Variants in PPP3CA observed in about 807,000 individuals in gnomAD.
PPP3CA encodes protein phosphatase 3 catalytic subunit alpha, also known as CAM-PRP catalytic subunit.
Under a neutral mutation model 66.5 loss-of-function variants are expected in PPP3CA, and 14 were observed. The ratio of observed to expected loss-of-function variants is 0.21; its 90% CI spans 0.14 to 0.33. The LOEUF (loss-of-function observed/expected upper bound fraction) is 0.33, where lower values mean the gene tolerates loss of function less well. Ranked by LOEUF, PPP3CA falls within the 10% of genes least tolerant of loss-of-function variation. PPP3CA has a pLI of 1.00. For missense variants in PPP3CA, 317 were observed against 639.5 expected, an observed-to-expected ratio of 0.50 and a Z score of 5.44; for synonymous variants, 232 against 226.2, an observed-to-expected ratio of 1.03 and a Z score of -0.23.
At chr4:101,202,926 C>T (rs904359903) in intron 1 of PPP3CA, among the ~76,000 whole-genome samples, 3 of 152,128 alleles carry the variant, frequency 2.0e-5, no homozygotes, top group African/African-American at 7.2e-5. Flanking sequence ...CATATGTATT[C>T]AGTTGTTAGA....
At chr4:101,177,884 A>G (rs1458814947) in intron 2 of PPP3CA, among the ~76,000 whole-genome samples, 3 of 152,000 alleles carry the variant, frequency 2.0e-5, no homozygotes, top group Non-Finnish European at 4.4e-5. Context: ...AGAGTACACT[A>G]CTATATACCA....
At chr4:101,303,986 C>A (rs183376488) in intron 1 of PPP3CA, among the ~76,000 whole-genome samples, 1 of 152,122 alleles carries the variant, frequency 6.6e-6, no homozygotes, top group Non-Finnish European at 1.5e-5. Flanking sequence ...CATTAATGTG[C>A]TGACGCCCTG....
In PPP3CA at chr4:101,147,872, T is replaced by C. The variant is rs913568839; in HGVS notation, c.260-38794A>G. ...TTAAAGTTAACTGCATTATTTTTTC[T>C]AGCTGTCACAAGTGTCTAGTTATTA... is the stretch of plus-strand genomic sequence containing the variant. On this transcript the variant is annotated intron_variant, in intron 2 of 13. Coordinates refer to ENST00000394854, the MANE Select transcript of PPP3CA (RefSeq NM_000944.5). Among the ~76,000 whole-genome samples the C allele has an allele frequency of 9.2e-5, 14 of 152,290 alleles. 1 individual carries two copies. The highest frequency in any genetic ancestry group is 4.1e-4 in the South Asian group (2 of 4,830).
intron 9 of PPP3CA, among the ~76,000 whole-genome samples, chr4:101,062,931 G>C (rs147056546): frequency 3.2e-4 from 49 of 151,984 alleles, no homozygotes; most frequent in African/African-American, 1.1e-3. Context: ...GACATTACTT[G>C]AAACCAGGTA....
chr4:101,275,427 C>T (rs58898502), intron 1 of PPP3CA, among the ~76,000 whole-genome samples: 5,776 of 152,184 alleles, frequency 0.038, 348 homozygotes, highest in African/African-American at 0.13. Context: ...TTAAGAAACA[C>T]GGTTGCCAGT....
At chr4:101,148,560 A>G (rs1723039447) in intron 2 of PPP3CA, among the ~76,000 whole-genome samples, 1 of 152,148 alleles carries the variant, frequency 6.6e-6, no homozygotes, top group African/African-American at 2.4e-5. Flanking sequence ...ACTTTTCTTA[A>G]GGCAGAATAA....
At chr4:101,093,289 C>A (rs534224561) in intron 6 of PPP3CA, among the ~76,000 whole-genome samples, 1 of 152,068 alleles carries the variant, frequency 6.6e-6, no homozygotes, top group Non-Finnish European at 1.5e-5. Flanking sequence ...TAGTCAGTAA[C>A]CATCAACATC....
chr4:101,295,118 G>T (rs1360664098), intron 1 of PPP3CA, among the ~76,000 whole-genome samples: 3 of 150,662 alleles, frequency 2.0e-5, no homozygotes, highest in Non-Finnish European at 4.4e-5. Flanking sequence ...TGGCTAACAA[G>T]GTGAAACCCC....
intron 2 of PPP3CA, among the ~76,000 whole-genome samples, chr4:101,162,892 ACT>A (rs1390618709): frequency 6.6e-6 from 1 of 151,864 alleles, no homozygotes; most frequent in African/African-American, 2.4e-5. Flanking sequence ...ACTCTTCTAT[ACT>A]CTCTCTGAGC....
At chr4:101,264,534 G>GT (rs1727110266) in intron 1 of PPP3CA, among the ~76,000 whole-genome samples, 1 of 152,166 alleles carries the variant, frequency 6.6e-6, no homozygotes, top group South Asian at 2.1e-4. Flanking sequence ...TCATGAATCA[G>GT]TTTTTTGAGA....
At chr4:101,223,254 A>C (rs1725680196) in intron 1 of PPP3CA, among the ~76,000 whole-genome samples, 2 of 151,818 alleles carry the variant, frequency 1.3e-5, no homozygotes, top group African/African-American at 4.8e-5. Context: ...TCCTTAGGAA[A>C]GAAATGTAAC....
intron 1 of PPP3CA, among the ~76,000 whole-genome samples, chr4:101,295,511 T>G (rs1329371311): frequency 6.6e-6 from 1 of 152,194 alleles, no homozygotes; most frequent in Non-Finnish European, 1.5e-5. Flanking sequence ...AATAACATTT[T>G]CTTAACCTTC....
At chr4:101,029,299 T>C (rs966188130) in intron 12 of PPP3CA, 104 bp from the exon 13 acceptor site, 1 of 876,672 alleles carries the variant, frequency 1.1e-6, no homozygotes, top group Non-Finnish European at 1.8e-6. Context: ...AGAGAACTAA[T>C]GTTCCTGTAA....
intron 2 of PPP3CA, among the ~76,000 whole-genome samples, chr4:101,176,778 G>T (rs1724074257): frequency 6.6e-6 from 1 of 151,886 alleles, no homozygotes; most frequent in South Asian, 2.1e-4. Context: ...TACAACTACT[G>T]TGAAGCCCCC....
intron 1 of PPP3CA, among the ~76,000 whole-genome samples, chr4:101,270,430 G>C (rs2850973): frequency 0.92 from 139,461 of 152,228 alleles, 64,076 homozygotes; most frequent in African/African-American, 0.97. Context: ...ACATATGCAT[G>C]ATGCCATACG....
At chr4:101,179,684 G>A (rs997589244) in intron 2 of PPP3CA, among the ~76,000 whole-genome samples, 8 of 152,062 alleles carry the variant, frequency 5.3e-5, no homozygotes, top group African/African-American at 9.7e-5. Context: ...AATATGCTTC[G>A]TGCAGTACTT....
At chr4:101,230,571 A>T (rs1725929267) in intron 1 of PPP3CA, among the ~76,000 whole-genome samples, 1 of 151,572 alleles carries the variant, frequency 6.6e-6, no homozygotes, top group Non-Finnish European at 1.5e-5. Context: ...AAATAAAATA[A>T]AAAATGAATA....
intron 6 of PPP3CA, among the ~76,000 whole-genome samples, chr4:101,092,035 C>G (rs1308017659): frequency 1.3e-5 from 2 of 151,916 alleles, no homozygotes; most frequent in South Asian, 2.1e-4. Context: ...AAGATCACAT[C>G]TGGGAGGATA....
At chr4:101,064,179 T>C (rs1192372954) in intron 8 of PPP3CA, among the ~76,000 whole-genome samples, 1 of 152,002 alleles carries the variant, frequency 6.6e-6, no homozygotes, top group East Asian at 1.9e-4. Flanking sequence ...CAAATCTGCA[T>C]GCTTCATGTC....
Sources: allele counts gnomAD v4.1 joint callset (sites outside exome capture counted in the v4.1 genomes callset), GRCh38; gene constraint gnomAD v4.1.1; transcripts MANE v1.5; gene names NCBI Gene and HGNC (gene_info 2026-07-23, HGNC 2026-07-21).